The following MAD1L1 variants were observed in gnomAD, a reference collection of about 807,000 sequenced individuals.
MAD1L1 encodes the protein mitotic arrest deficient 1 like 1, also known as mitotic spindle assembly checkpoint protein MAD1.
MAD1L1 carries 95 observed loss-of-function variants against 96.9 expected under a neutral mutation model. The observed-to-expected ratio is 0.98, with a 90% CI of 0.83 to 1.16. MAD1L1 has a LOEUF of 1.16. Ranked by LOEUF, MAD1L1 falls within the 50% of genes most tolerant of loss-of-function variation. The pLI is 0.00. For synonymous variants in MAD1L1, 473 were observed against 396.6 expected (o/e 1.19, Z -2.29); for missense variants, 1,007 against 954.4 (o/e 1.06, Z -0.73).
intron 11 of MAD1L1, among the ~76,000 whole-genome samples, chr7:2,092,118 T>A (rs946399063): frequency 3.3e-5 from 5 of 152,168 alleles, no homozygotes; most frequent in African/African-American, 1.2e-4. Context: ...TGCGTGAGAG[T>A]TCCTGTGGCT....
intron 10 of MAD1L1, among the ~76,000 whole-genome samples, chr7:2,151,968 A>G (rs184091681): frequency 6.6e-6 from 1 of 152,254 alleles, no homozygotes; most frequent in African/African-American, 2.4e-5. Flanking sequence ...TCCATCACCC[A>G]AGGAGCAGGC....
intron 17 of MAD1L1, among the ~76,000 whole-genome samples, chr7:1,902,249 C>G (rs1787292151): frequency 6.6e-6 from 1 of 152,190 alleles, no homozygotes. Context: ...TAGGTAAAGG[C>G]TAGCTAGCAG....
chr7:1,888,794 C>A (rs930889044), intron 18 of MAD1L1, among the ~76,000 whole-genome samples: 1 of 152,120 alleles, frequency 6.6e-6, no homozygotes, highest in Non-Finnish European at 1.5e-5. Context: ...TGTCAGCATG[C>A]ATGCATGTGG....
chr7:1,998,977 C>T (rs1420560550), intron 14 of MAD1L1, among the ~76,000 whole-genome samples: 3 of 150,240 alleles, frequency 2.0e-5, no homozygotes, highest in African/African-American at 7.4e-5. Context: ...GGACACCAGA[C>T]CCCACAGTCC....
chr7:2,211,292 C>T (rs771822506), intron 10 of MAD1L1, among the ~76,000 whole-genome samples: 2 of 152,134 alleles, frequency 1.3e-5, no homozygotes, highest in Non-Finnish European at 2.9e-5. Flanking sequence ...TCATGCTGGC[C>T]ACGCCCAGGC....
At chr7:2,182,957 T>G (rs1333709244) in intron 10 of MAD1L1, among the ~76,000 whole-genome samples, 2 of 152,048 alleles carry the variant, frequency 1.3e-5, no homozygotes. Context: ...GCATGGTGGC[T>G]CACGCTTATA....
intron 10 of MAD1L1, among the ~76,000 whole-genome samples, chr7:2,212,628 T>C (rs1007208984): frequency 2.0e-5 from 3 of 152,276 alleles, no homozygotes; most frequent in South Asian, 2.1e-4. Flanking sequence ...GGCGTGCCTG[T>C]TCCCCCTTCA....
chr7:1,845,025 G>A (rs1783515586), intron 18 of MAD1L1, among the ~76,000 whole-genome samples: 1 of 152,228 alleles, frequency 6.6e-6, no homozygotes, highest in Non-Finnish European at 1.5e-5. Flanking sequence ...ACTCACAGTG[G>A]GCACAGGGTC....
At chr7:1,979,332 C>A (rs949041381) in intron 15 of MAD1L1, among the ~76,000 whole-genome samples, 1 of 152,236 alleles carries the variant, frequency 6.6e-6, no homozygotes, top group Non-Finnish European at 1.5e-5. Flanking sequence ...ACCCTGGATG[C>A]CCAGGGCCTG....
chr7:1,905,248 C>T lies in MAD1L1; in HGVS notation c.1808-6858G>A, dbSNP rs1240145698. ...GAAGCACTGTTCCAGGCAGCGAGGA[C>T]GCAGTGGCCTACGGAAGACGCTCTT... On this transcript the variant is annotated intron_variant, in intron 17 of 18. Coordinates refer to ENST00000265854, the MANE Select transcript of MAD1L1 (RefSeq NM_001013836.2). Among the ~76,000 whole-genome samples, 8 of 90,528 alleles carry T rather than the reference C, an allele frequency of 8.8e-5. 1 individual carries two copies. Among genetic ancestry groups the T allele is most frequent in the African/African-American group, 2.2e-4 (6 of 26,886 alleles). 59.4% of individuals were successfully genotyped at this position (90,528 alleles called of 152,430 possible).
intron 11 of MAD1L1, among the ~76,000 whole-genome samples, chr7:2,073,543 G>T (rs965987241): frequency 6.6e-6 from 1 of 152,158 alleles, no homozygotes; most frequent in Non-Finnish European, 1.5e-5. Context: ...TCCCCGATCC[G>T]CTGGCTCCCC....
intron 12 of MAD1L1, 62 bp from the exon 13 acceptor site, chr7:2,014,704 G>C: frequency 1.3e-6 from 2 of 1,521,302 alleles, no homozygotes; most frequent in Non-Finnish European, 1.8e-6. Context: ...TGATGGAGAC[G>C]GCTCAGGGAA....
intron 12 of MAD1L1, among the ~76,000 whole-genome samples, chr7:2,019,411 G>A (rs973528609): frequency 3.3e-5 from 5 of 152,268 alleles, no homozygotes; most frequent in East Asian, 1.9e-4. Context: ...GGACCCACGC[G>A]GGTCAGACAG....
chr7:1,926,733 G>T (rs1165061621), intron 17 of MAD1L1, among the ~76,000 whole-genome samples: 1 of 152,190 alleles, frequency 6.6e-6, no homozygotes, highest in Non-Finnish European at 1.5e-5. Context: ...AGCGTTTTCA[G>T]CTTGATAAGG....
intron 12 of MAD1L1, among the ~76,000 whole-genome samples, chr7:2,039,102 T>C (rs1432926350): frequency 1.3e-5 from 2 of 152,174 alleles, no homozygotes; most frequent in African/African-American, 4.8e-5. Context: ...TTTAATAACG[T>C]CATGCAAATG....
chr7:1,915,341 C>T (rs966918457), intron 17 of MAD1L1, among the ~76,000 whole-genome samples: 4 of 152,090 alleles, frequency 2.6e-5, no homozygotes, highest in South Asian at 4.1e-4. Flanking sequence ...GGCTGCGGTC[C>T]GAAAAGGCGT....
At chr7:2,029,574 A>AT (rs201631767) in intron 12 of MAD1L1, among the ~76,000 whole-genome samples, 66 of 149,878 alleles carry the variant, frequency 4.4e-4, no homozygotes, top group African/African-American at 1.1e-3. Flanking sequence ...AAAGGCAGTA[A>AT]TTTTTTTTTT....
intron 16 of MAD1L1, among the ~76,000 whole-genome samples, chr7:1,947,459 G>A (rs1489281134): frequency 6.6e-6 from 1 of 152,260 alleles, no homozygotes; most frequent in Non-Finnish European, 1.5e-5. Context: ...ACCTCTCCTG[G>A]CTGAAGGAAA....
chr7:2,048,066 T>C (rs891935922), intron 12 of MAD1L1, among the ~76,000 whole-genome samples: 1 of 151,938 alleles, frequency 6.6e-6, no homozygotes, highest in Non-Finnish European at 1.5e-5. Context: ...AACACAGATA[T>C]GCACACACGT....
Sources: gnomAD v4.1 joint callset for allele counts (sites outside exome capture counted in the v4.1 genomes callset) on GRCh38, gnomAD v4.1.1 for gene constraint, MANE v1.5 for transcripts, NCBI Gene and HGNC (gene_info 2026-07-23, HGNC 2026-07-21) for gene names.